ATG13: variants seen among roughly 807,000 people sequenced by gnomAD.
ATG13 encodes autophagy related 13, also known as autophagy-related protein 13.
A neutral mutation model predicts 65.5 loss-of-function variants in ATG13; 23 were observed. The ratio of observed to expected loss-of-function variants is 0.35; its 90% CI spans 0.25 to 0.50. ATG13 has a LOEUF of 0.50. Ranked by LOEUF, ATG13 falls within the 20% of genes least tolerant of loss-of-function variation. The pLI is 0.98. For synonymous variants in ATG13, 252 were observed against 245.2 expected (o/e 1.03, Z -0.26); for missense variants, 566 against 677.0 (o/e 0.84, Z 1.82).
At chr11:46,627,549 C>T (rs908623033) in intron 1 of ATG13, among the ~76,000 whole-genome samples, 5 of 151,980 alleles carry the variant, frequency 3.3e-5, no homozygotes, top group East Asian at 2.0e-4. Flanking sequence ...CAGCTCACTG[C>T]GACCTTCGCC....
intron 14 of ATG13, 46 bp downstream of exon 14, chr11:46,665,565 C>G: frequency 6.2e-7 from 1 of 1,600,980 alleles, no homozygotes; most frequent in South Asian, 1.1e-5. Context: ...TGGCCAGGGG[C>G]CTGGGCTCCC....
chr11:46,668,793 G>A lies in ATG13; in HGVS notation c.1330-1G>A. The stretch of plus-strand genomic sequence containing the variant: ...CCTAATCCTGCCTTGCTATGAAACA[G>A]GTGAATCCTCCAGATTCCCCAGAGA... On this transcript the variant is annotated splice_acceptor_variant, in intron 16 of 18. Transcript: ENST00000683050. LOFTEE classifies it high-confidence loss of function. The A allele has an allele frequency of 1.2e-6, 2 of 1,611,112 alleles. No individual in the cohort carries two copies. The highest frequency in any genetic ancestry group is 1.7e-6 in the Non-Finnish European group (2 of 1,178,028).
intron 13 of ATG13, 32 bp from the exon 14 acceptor site, chr11:46,665,351 G>T (rs1353285025): frequency 1.2e-6 from 2 of 1,606,124 alleles, no homozygotes; most frequent in South Asian, 2.2e-5. Context: ...GGCATGCCAT[G>T]ATTCACTGTC....
intron 5 of ATG13, among the ~76,000 whole-genome samples, chr11:46,647,271 GTTTTTTT>G (rs1201682594): frequency 7.5e-6 from 1 of 132,882 alleles, no homozygotes; most frequent in African/African-American, 2.9e-5. Flanking sequence ...TTGGGTTTTT[GTTTTTTT>G]TGTTTTTTTT....
chr11:46,663,944 T>C (rs1224621993), intron 11 of ATG13, 53 bp from the exon 12 acceptor site: 6 of 1,228,596 alleles, frequency 4.9e-6, no homozygotes, highest in Non-Finnish European at 5.6e-6. Context: ...AAGTCCCTTT[T>C]CTTTTTTTTT....
chr11:46,620,710 G>A (rs1284007549), intron 1 of ATG13, among the ~76,000 whole-genome samples: 1 of 151,946 alleles, frequency 6.6e-6, no homozygotes, highest in African/African-American at 2.4e-5. Context: ...GGGAGGCAGA[G>A]GTTGCTGTGA....
chr11:46,641,350 G>A (rs1021732210), intron 2 of ATG13, among the ~76,000 whole-genome samples: 4 of 152,302 alleles, frequency 2.6e-5, no homozygotes, highest in Admixed American at 2.6e-4. Context: ...GATTACAGGC[G>A]TGAGCCACTG....
At position 46,657,141 on chromosome 11, in the gene ATG13, C is replaced by T. The variant is rs2136710528; in HGVS notation, c.546C>T (p.Thr182=). Residue 182 remains threonine, a synonymous_variant, in exon 9 of 19, where the codon ACC becomes ACT. Coordinates refer to ENST00000683050, the MANE Select transcript of ATG13 (RefSeq NM_001346311.2). ...RVGTVGTPVG[T]ITLSCAYRIN... ...GGACAGTGGGCACCCCTGTGGGCAC[C>T]ATCACTCTTTCTTGTGCTTACAGAA... 1 of 1,614,114 alleles carries T rather than the reference C, an allele frequency of 6.2e-7. No homozygotes were observed. Among genetic ancestry groups the T allele is most frequent in the African/African-American group, 1.3e-5 (1 of 75,018 alleles).
At chr11:46,619,375 T>C (rs1225861644) in intron 1 of ATG13, among the ~76,000 whole-genome samples, 1 of 96,718 alleles carries the variant, frequency 1.0e-5, no homozygotes, top group African/African-American at 4.5e-5. Context: ...TTTCTTGCTT[T>C]TTTTTTTTTT....
intron 11 of ATG13, among the ~76,000 whole-genome samples, chr11:46,662,998 G>A (rs901821180): frequency 6.6e-6 from 1 of 152,122 alleles, no homozygotes; most frequent in African/African-American, 2.4e-5. Context: ...AGGCGCGGTG[G>A]CTCACACCTG....
At chr11:46,647,996 A>G (rs2058068647) in intron 5 of ATG13, among the ~76,000 whole-genome samples, 1 of 152,140 alleles carries the variant, frequency 6.6e-6, no homozygotes, top group South Asian at 2.1e-4. Context: ...ATTTTCACTG[A>G]TAGATTATAA....
chr11:46,668,770 T>C, intron 16 of ATG13, 24 bp from the exon 17 acceptor site: 1 of 1,583,472 alleles, frequency 6.3e-7, no homozygotes, highest in Non-Finnish European at 8.7e-7. Context: ...GCATCAGCCC[T>C]AATCCTGCCT....
chr11:46,659,676 C>T lies in ATG13; in HGVS notation c.789+191C>T, dbSNP rs75920263. On this transcript the variant is annotated intron_variant, in intron 11 of 18. Transcript: ENST00000683050. ...TTTCTAGTCTGTAATTATTCATAAC[C>T]TTCAAGATTACATTTAGCCCTTACC... The T allele has an allele frequency of 7.7e-4, 399 of 516,634 alleles. 3 individuals carry two copies. Among genetic ancestry groups the T allele is most frequent in the Admixed American group, 7.2e-3 (206 of 28,498 alleles). The allele number at this position is 516,634 out of a possible 1,614,324, so 32.0% of individuals were successfully genotyped here.
At chr11:46,637,551 T>C (rs951721359) in intron 2 of ATG13, among the ~76,000 whole-genome samples, 6 of 152,182 alleles carry the variant, frequency 3.9e-5, no homozygotes, top group African/African-American at 1.2e-4. Context: ...TTTTGTATTT[T>C]TTTGGTAGAG....
chr11:46,648,494 C>T (rs1591874103), intron 5 of ATG13, among the ~76,000 whole-genome samples: 1 of 151,794 alleles, frequency 6.6e-6, no homozygotes. Context: ...AAGAAACAAC[C>T]TTGGCCGGGC....
At chr11:46,655,249 A>C (rs1410674577) in intron 7 of ATG13, among the ~76,000 whole-genome samples, 1 of 151,864 alleles carries the variant, frequency 6.6e-6, no homozygotes, top group East Asian at 1.9e-4. Context: ...AATACAAAAA[A>C]TTAGCCGGGC....
At chr11:46,624,288 C>T (rs1246353267) in intron 1 of ATG13, among the ~76,000 whole-genome samples, 1 of 152,156 alleles carries the variant, frequency 6.6e-6, no homozygotes, top group Non-Finnish European at 1.5e-5. Flanking sequence ...CAAAGGTGAG[C>T]CACCACAACC....
chr11:46,622,947 T>G (rs536013310), intron 1 of ATG13, among the ~76,000 whole-genome samples: 1 of 152,276 alleles, frequency 6.6e-6, no homozygotes, highest in South Asian at 2.1e-4. Flanking sequence ...GGCAAGGATA[T>G]GCTGTGATGA....
intron 6 of ATG13, among the ~76,000 whole-genome samples, chr11:46,649,585 A>G (rs1239979150): frequency 1.3e-5 from 2 of 152,204 alleles, no homozygotes; most frequent in African/African-American, 4.8e-5. Flanking sequence ...TGTATGGGTC[A>G]TGGATTGGAA....
Sources: allele counts gnomAD v4.1 joint callset (sites outside exome capture counted in the v4.1 genomes callset), GRCh38; gene constraint gnomAD v4.1.1; transcripts MANE v1.5; gene names NCBI Gene and HGNC (gene_info 2026-07-23, HGNC 2026-07-21).